The following PGD variants were observed in gnomAD, a reference collection of about 807,000 sequenced individuals.
PGD encodes 6-phosphogluconate dehydrogenase, decarboxylating.
PGD carries 21 observed loss-of-function variants against 60.4 expected under a neutral mutation model. The observed-to-expected ratio is 0.35, with a 90% CI of 0.25 to 0.50. The LOEUF is 0.50. Among genes scored for constraint, PGD ranks in the 20% least tolerant of loss-of-function variants. PGD has a pLI of 0.98. For missense variants in PGD, 477 were observed against 613.1 expected (o/e 0.78, Z 2.34); for synonymous variants, 230 against 235.9 (o/e 0.97, Z 0.23).
rs762359672 is a variant in PGD at position 10,400,473 on chromosome 1, C to G, written c.165C>G (p.Ala55=). 1.2e-6 allele frequency: 2 copies of G among 1,613,826 alleles called. No homozygotes were observed. Among genetic ancestry groups the G allele is most frequent in the South Asian group, 1.1e-5 (1 of 91,066 alleles). The change falls in exon 3 of 13, where the codon GCC becomes GCG. Residue 55 remains alanine, a synonymous_variant. Coordinates refer to ENST00000270776, the MANE Select transcript of PGD (RefSeq NM_002631.4). ...CAAAGGGAACCAAAGTGGTGGGTGC[C>G]CAGTCCCTGAAAGAGATGGTCTCCA... The part of the protein sequence containing the change: ...NEAKGTKVVG[A]QSLKEMVSKL...
Position 10,419,993 on chromosome 1 carries a change from T to G in PGD, c.*244T>G. Reference sequence around the variant, plus strand: ...GTGCGTGAGAGTGGGAACCATCTCCTTGCGGCAGTGGCTTCCGCGTGCCCC... The same window carrying G: ...GTGCGTGAGAGTGGGAACCATCTCCGTGCGGCAGTGGCTTCCGCGTGCCCC... On this transcript the variant is annotated 3_prime_UTR_variant, in exon 13 of 13. Transcript: ENST00000270776. 2.0e-6 allele frequency: 1 copy of G among 504,948 alleles called. No homozygotes were observed. The highest frequency in any genetic ancestry group is 3.6e-6 in the Non-Finnish European group (1 of 279,180). 31.3% of individuals were successfully genotyped at this position (504,948 alleles called of 1,614,324 possible).
chr1:10,411,704 T>C, intron 7 of PGD, 152 bp downstream of exon 7: 1 of 781,762 alleles, frequency 1.3e-6, no homozygotes, highest in South Asian at 1.7e-5. Context: ...GTAATAGGCC[T>C]ATACACTATG....
chr1:10,400,872 G>C (rs542476750), intron 3 of PGD, among the ~76,000 whole-genome samples: 1 of 152,128 alleles, frequency 6.6e-6, no homozygotes, highest in African/African-American at 2.4e-5. Context: ...CAGATGGATC[G>C]TTTGAGCCCA....
At chr1:10,411,603 T>A (rs1485806158) in intron 7 of PGD, 51 bp downstream of exon 7, 2 of 1,607,932 alleles carry the variant, frequency 1.2e-6, no homozygotes, top group Admixed American at 3.3e-5. Context: ...GTGCTCACTT[T>A]GCCACAGACA....
Position 10,419,991 on chromosome 1 carries a change from C to G in PGD, c.*242C>G, listed in dbSNP as rs904943583. 3 of 509,432 alleles carry G rather than the reference C, an allele frequency of 5.9e-6. No individual in the cohort carries two copies. The South Asian group carries it at 6.5e-5, about 11-fold the overall frequency. 31.6% of individuals were successfully genotyped at this position (509,432 alleles called of 1,614,324 possible). ...ATGTGCGTGAGAGTGGGAACCATCT[C>G]CTTGCGGCAGTGGCTTCCGCGTGCC... On this transcript the variant is annotated 3_prime_UTR_variant, in exon 13 of 13. Transcript: ENST00000270776.
intron 6 of PGD, among the ~76,000 whole-genome samples, chr1:10,409,969 T>A (rs1396634362): frequency 6.6e-6 from 1 of 152,184 alleles, no homozygotes; most frequent in Admixed American, 6.5e-5. Flanking sequence ...AACTTTTTTT[T>A]AGATACACAC....
intron 8 of PGD, among the ~76,000 whole-genome samples, chr1:10,416,477 T>C (rs1283498358): frequency 6.6e-6 from 1 of 152,250 alleles, no homozygotes; most frequent in Non-Finnish European, 1.5e-5. Context: ...AAACAGACTT[T>C]CCTGCTCCAC....
At chr1:10,412,086 C>T (rs1198161736) in intron 7 of PGD, among the ~76,000 whole-genome samples, 1 of 152,244 alleles carries the variant, frequency 6.6e-6, no homozygotes, top group Admixed American at 6.5e-5. Flanking sequence ...GTCTGTCCAT[C>T]CCCCACCAAT....
At chr1:10,401,721 A>G (rs1291503756) in intron 3 of PGD, among the ~76,000 whole-genome samples, 1 of 152,216 alleles carries the variant, frequency 6.6e-6, no homozygotes, top group Admixed American at 6.5e-5. Context: ...ATTGAATAAT[A>G]TAATGAAGCC....
At position 10,416,992 on chromosome 1, in the gene PGD, G is replaced by A. The variant is rs1230830343; in HGVS notation, c.850G>A (p.Ala284Thr). 4 of 1,613,346 alleles carry A rather than the reference G, an allele frequency of 2.5e-6. No homozygotes were observed. In the Admixed American group the frequency reaches 6.7e-5, roughly 27 times the overall value. ...YGVPVTLIGE[A>T]VFARCLSSLK... The stretch of plus-strand genomic sequence containing the variant: ...TTCCCGATCTCCCCATGTAGGAGAA[G>A]CTGTCTTTGCTCGGTGCTTATCATC... The change falls in exon 9 of 13, where the codon GCT (alanine) becomes ACT (threonine). Residue 284 changes from alanine (A) to threonine (T), a missense_variant. Ala to Thr is a moderately conservative substitution (Grantham distance 58, BLOSUM62 0). Transcript: ENST00000270776.
chr1:10,403,158 T>G lies in PGD; in HGVS notation c.330+22T>G, dbSNP rs767415573. ...CACAGTAAGTGTTCTTCAGTCCAGATTCTTCCAGGTTCCGAGAACATTCTA... is the reference window on the plus strand; with the variant it reads ...CACAGTAAGTGTTCTTCAGTCCAGAGTCTTCCAGGTTCCGAGAACATTCTA... On this transcript the variant is annotated intron_variant, in intron 4 of 12. Transcript: ENST00000270776. 32 of 1,524,116 alleles carry G rather than the reference T, an allele frequency of 2.1e-5. 2 individuals carry two copies. The South Asian group carries it at 3.3e-4, about 16-fold the overall frequency. The allele number at this position is 1,524,116 out of a possible 1,614,324, so 94.4% of individuals were successfully genotyped here.
At chr1:10,401,309 A>C (rs958331554) in intron 3 of PGD, among the ~76,000 whole-genome samples, 4 of 152,244 alleles carry the variant, frequency 2.6e-5, no homozygotes, top group African/African-American at 9.6e-5. Flanking sequence ...CTTTTTTGGA[A>C]GAAAAAAGTA....
intron 8 of PGD, 24 bp downstream of exon 8, chr1:10,413,275 G>T (rs375650373): frequency 9.4e-6 from 15 of 1,600,916 alleles, no homozygotes; most frequent in Non-Finnish European, 1.2e-5. Flanking sequence ...TTTCACATGG[G>T]CCCTTTCGTC....
At chr1:10,402,615 C>A (rs1049922076) in intron 3 of PGD, among the ~76,000 whole-genome samples, 1 of 151,538 alleles carries the variant, frequency 6.6e-6, no homozygotes, top group Non-Finnish European at 1.5e-5. Context: ...CTCCACCTCC[C>A]GGGTTCACGC....
intron 3 of PGD, 101 bp from the exon 4 acceptor site, chr1:10,402,968 ACT>A (rs577694658): frequency 1.7e-5 from 14 of 835,800 alleles, no homozygotes; most frequent in Middle Eastern, 3.5e-4. Context: ...ACAGAACGAG[ACT>A]CTTTTTAGAC....
intron 4 of PGD, among the ~76,000 whole-genome samples, chr1:10,403,730 A>G (rs1296019497): frequency 1.3e-5 from 2 of 152,078 alleles, no homozygotes; most frequent in Non-Finnish European, 2.9e-5. Context: ...AATCCATGAT[A>G]TGTCAGTCTA....
intron 11 of PGD, 33 bp downstream of exon 11, chr1:10,418,958 C>G (rs769091238): frequency 6.8e-6 from 8 of 1,171,698 alleles, no homozygotes; most frequent in South Asian, 2.5e-5. Context: ...CATGGTTACT[C>G]TACCTCCCTG....
At position 10,418,892 on chromosome 1, in the gene PGD, C is replaced by T. The variant is rs766247086; in HGVS notation, c.1176C>T (p.Asp392=). 25 of 1,611,310 alleles carry T rather than the reference C, an allele frequency of 1.6e-5. No homozygotes were observed. Among genetic ancestry groups the T allele is most frequent in the African/African-American group, 1.2e-4 (9 of 74,762 alleles). ...CGGAACTTCAGAACCTCCTACTGGA[C>T]GACTTCTTTAAGTCAGCTGTTGAAA... ...RNPELQNLLL[D]DFFKSAVENC... is the part of the protein sequence containing the mutation. Residue 392 remains aspartate (D), a synonymous_variant, in exon 11 of 13, where the codon GAC becomes GAT. Coordinates refer to ENST00000270776, the MANE Select transcript of PGD (RefSeq NM_002631.4).
At chr1:10,406,605 G>C (rs1030902212) in intron 5 of PGD, among the ~76,000 whole-genome samples, 1 of 152,124 alleles carries the variant, frequency 6.6e-6, no homozygotes, top group Non-Finnish European at 1.5e-5. Context: ...TGCGGTTTCC[G>C]GTGTGGCTGT....
Sources: allele counts gnomAD v4.1 joint callset (sites outside exome capture counted in the v4.1 genomes callset), GRCh38; gene constraint gnomAD v4.1.1; transcripts MANE v1.5; gene names NCBI Gene and HGNC (gene_info 2026-07-23, HGNC 2026-07-21).